The following CUBN variants were observed in gnomAD, a reference collection of about 807,000 sequenced individuals.
CUBN encodes 460 kDa receptor.
In CUBN, 282 loss-of-function variants were observed where a neutral mutation model predicts 405.3. That is an observed-to-expected ratio of 0.70 (90% CI 0.63 to 0.77). The LOEUF is 0.77. Among genes scored for constraint, CUBN ranks in the 30% least tolerant of loss-of-function variants. The pLI, the probability that CUBN is intolerant of heterozygous loss-of-function variation, is 0.00. For missense variants in CUBN, 4,514 were observed against 4,475.2 expected, an observed-to-expected ratio of 1.01 and a Z score of -0.25; for synonymous variants, 1,684 against 1,617.0, an observed-to-expected ratio of 1.04 and a Z score of -0.99.
chr10:16,958,505 G>C (rs1327849449), intron 31 of CUBN, among the ~76,000 whole-genome samples: 1 of 152,140 alleles, frequency 6.6e-6, no homozygotes, highest in Non-Finnish European at 1.5e-5. Context: ...CATCATGGGT[G>C]ACAGAGTGAG....
Position 16,876,925 on chromosome 10 carries a change from G to A in CUBN, c.9078C>T (p.Phe3026=), listed in dbSNP as rs140524729. 2.9e-4 allele frequency: 473 copies of A among 1,614,084 alleles called. 2 individuals are homozygous for A. The highest frequency in any genetic ancestry group is 2.4e-3 in the African/African-American group (180 of 75,026). ...TTATCCTATAGGAAAACTTGAATCC[G>A]AAGTCTGTGATTTGCTCGTTGGAGT... ...NFYSNEQITD[F]GFKFSYRIIS... is the part of the protein sequence containing the mutation. Residue 3026 remains phenylalanine, a synonymous_variant, in exon 57 of 67, where the codon TTC becomes TTT. Transcript: ENST00000377833.
intron 48 of CUBN, 144 bp downstream of exon 48, chr10:16,913,667 T>G (rs1841795977): frequency 1.1e-6 from 1 of 914,928 alleles, no homozygotes; most frequent in African/African-American, 1.6e-5. Context: ...TGTGATTTTG[T>G]TCTTTCAACA....
intron 41 of CUBN, 56 bp from the exon 42 acceptor site, chr10:16,925,830 T>G (rs1842174542): frequency 1.3e-6 from 2 of 1,521,388 alleles, no homozygotes; most frequent in East Asian, 4.5e-5. Context: ...ACTGGATTTT[T>G]ATGCTTTCTT....
intron 29 of CUBN, among the ~76,000 whole-genome samples, chr10:16,990,101 T>A (rs1833537951): frequency 6.6e-6 from 1 of 152,244 alleles, no homozygotes; most frequent in South Asian, 2.1e-4. Flanking sequence ...TCCGGCTTCC[T>A]GGCATTACCT....
At chr10:16,948,000 G>A (rs1384545682) in intron 35 of CUBN, among the ~76,000 whole-genome samples, 1 of 152,202 alleles carries the variant, frequency 6.6e-6, no homozygotes, top group Non-Finnish European at 1.5e-5. Flanking sequence ...CACGAGGTCA[G>A]GAGTTTGAGA....
intron 28 of CUBN, among the ~76,000 whole-genome samples, chr10:17,006,431 C>T (rs1217067560): frequency 3.9e-5 from 6 of 152,110 alleles, no homozygotes; most frequent in Non-Finnish European, 8.8e-5. Flanking sequence ...AACAGAATTA[C>T]AAAAGATAAA....
chr10:17,011,859 C>T (rs544483323), intron 28 of CUBN, among the ~76,000 whole-genome samples: 1 of 144,670 alleles, frequency 6.9e-6, no homozygotes, highest in East Asian at 1.9e-4. Context: ...GGTGCATTTA[C>T]AAACCTTTAG....
chr10:17,043,730 T>TA, intron 26 of CUBN, 97 bp downstream of exon 26: 1 of 1,536,478 alleles, frequency 6.5e-7, no homozygotes, highest in Non-Finnish European at 9.0e-7. Context: ...GAACAGCGAG[T>TA]ATACATACTT....
chr10:16,917,932 A>C (rs527833076), intron 45 of CUBN, among the ~76,000 whole-genome samples: 54 of 152,250 alleles, frequency 3.5e-4, no homozygotes, highest in Non-Finnish European at 7.2e-4. Flanking sequence ...CGTGTTTTAC[A>C]GTTAAGTCTT....
chr10:17,050,766 G>A (rs545610352), intron 22 of CUBN, among the ~76,000 whole-genome samples: 3 of 152,160 alleles, frequency 2.0e-5, no homozygotes, highest in South Asian at 2.1e-4. Context: ...TAGAACTTCC[G>A]GGCCAAAGGA....
chr10:17,058,755 C>T (rs887750018), intron 22 of CUBN, among the ~76,000 whole-genome samples: 8 of 151,986 alleles, frequency 5.3e-5, no homozygotes, highest in African/African-American at 1.7e-4. Flanking sequence ...TGAAAAATAT[C>T]AATACTAAGT....
At chr10:17,068,418 TTC>T in intron 20 of CUBN, 138 bp from the exon 21 acceptor site, 1 of 990,328 alleles carries the variant, frequency 1.0e-6, no homozygotes, top group Non-Finnish European at 1.5e-6. Flanking sequence ...AACCTGATTT[TTC>T]TCTTATTAAT....
intron 17 of CUBN, among the ~76,000 whole-genome samples, chr10:17,081,716 CT>C (rs1835973566): frequency 6.6e-6 from 1 of 152,124 alleles, no homozygotes; most frequent in Admixed American, 6.5e-5. Flanking sequence ...AAGACAAGAG[CT>C]TTAACCAAAG....
At chr10:17,083,950 T>C (rs1305590083) in intron 17 of CUBN, among the ~76,000 whole-genome samples, 1 of 152,016 alleles carries the variant, frequency 6.6e-6, no homozygotes, top group Admixed American at 6.6e-5. Flanking sequence ...AACCCTAACC[T>C]CCAAAACAAG....
intron 54 of CUBN, among the ~76,000 whole-genome samples, chr10:16,891,547 T>C (rs11254265): frequency 0.056 from 8,509 of 152,088 alleles, 791 homozygotes; most frequent in East Asian, 0.32. Context: ...ACCAAGAAGA[T>C]TGGTTTTTGG....
In CUBN at chr10:16,900,007, A is replaced by G. The variant is rs896935351; in HGVS notation, c.8410+618T>C. On this transcript the variant is annotated intron_variant, in intron 53 of 66. Coordinates refer to ENST00000377833, the MANE Select transcript of CUBN (RefSeq NM_001081.4). ...AATTTTCACAATGTTTATACTTTCT[A>G]TGCACAAAAACTATTCTTTTAAAAT... 3.3e-5 allele frequency among the ~76,000 whole-genome samples: 5 copies of G among 152,328 alleles called. No homozygotes were observed. In the South Asian group the frequency reaches 6.2e-4, roughly 19 times the overall value.
chr10:17,100,392 T>C (rs975353851), intron 13 of CUBN, among the ~76,000 whole-genome samples, 153 bp from the exon 14 acceptor site: 19 of 152,176 alleles, frequency 1.2e-4, no homozygotes, highest in African/African-American at 4.1e-4. Flanking sequence ...GCAATCTATA[T>C]ACTAAATAAC....
chr10:16,884,272 A>T (rs1363818488), intron 56 of CUBN, among the ~76,000 whole-genome samples: 1 of 152,172 alleles, frequency 6.6e-6, no homozygotes, highest in Admixed American at 6.5e-5. Context: ...GTGAGCCACC[A>T]TGCCCGGCCT....
chr10:17,000,045 C>T (rs1265975620), intron 28 of CUBN, among the ~76,000 whole-genome samples: 1 of 152,222 alleles, frequency 6.6e-6, no homozygotes, highest in Non-Finnish European at 1.5e-5. Context: ...ATGCTGCAGG[C>T]CCCTCGCAGG....
Sources: allele counts gnomAD v4.1 joint callset (sites outside exome capture counted in the v4.1 genomes callset), GRCh38; gene constraint gnomAD v4.1.1; transcripts MANE v1.5; gene names NCBI Gene and HGNC (gene_info 2026-07-23, HGNC 2026-07-21).